Variants in NPAS2 observed in about 807,000 individuals in gnomAD.
The protein encoded by NPAS2 is neuronal PAS domain-containing protein 2.
In NPAS2, 23 loss-of-function variants were observed where a neutral mutation model predicts 107.5. The ratio of observed to expected loss-of-function variants is 0.21; its 90% CI spans 0.15 to 0.30. NPAS2 has a LOEUF of 0.30. Among genes scored for constraint, NPAS2 ranks in the 10% least tolerant of loss-of-function variants. The probability of loss-of-function intolerance (pLI) is 1.00; values close to 1 mark genes in which losing one functional copy is unlikely to be tolerated. For synonymous variants in NPAS2, 403 were observed against 417.5 expected (o/e 0.97, Z 0.42); for missense variants, 756 against 1,043.3 (o/e 0.72, Z 3.79).
intron 1 of NPAS2, among the ~76,000 whole-genome samples, chr2:100,864,884 C>T (rs374053337): frequency 4.6e-5 from 7 of 152,252 alleles, no homozygotes; most frequent in South Asian, 2.1e-4. Context: ...TTTATTAATT[C>T]ATTTAAAAAT....
chr2:100,988,115 A>G lies in NPAS2; in HGVS notation c.1666A>G (p.Ser556Gly), dbSNP rs1677881557. The G allele has an allele frequency of 4.3e-6, 7 of 1,614,200 alleles. No homozygotes were observed. Among genetic ancestry groups the G allele is most frequent in the Non-Finnish European group, 5.9e-6 (7 of 1,180,026 alleles). The change falls in exon 17 of 21, where the codon AGC becomes GGC. Residue 556 changes from serine (S) to glycine (G), a missense_variant. Ser to Gly is a moderately conservative substitution (Grantham distance 56). Transcript: ENST00000335681. ...LQQPAVSLSFSSTQRPEAQQQ... is the reference protein window; with the variant it reads ...LQQPAVSLSFGSTQRPEAQQQ... ...GCAGCCAGCTGTATCCCTGAGCTTC[A>G]GCAGCACCCAGCGACCTGAGGCTCA...
chr2:100,967,896 C>T (rs966532788), intron 10 of NPAS2, among the ~76,000 whole-genome samples: 4 of 152,198 alleles, frequency 2.6e-5, no homozygotes, highest in African/African-American at 7.2e-5. Context: ...GGTCTGTTTT[C>T]GGGCCAATTC....
chr2:100,925,290 C>G lies in NPAS2; in HGVS notation c.177C>G (p.His59Gln), dbSNP rs1683487265. The G allele has an allele frequency of 1.9e-6, 3 of 1,613,992 alleles. No homozygotes were observed. The highest frequency in any genetic ancestry group is 2.7e-5 in the African/African-American group (2 of 75,040). ...LEKVIGFLQKHNEVSAQTEIC... is the reference protein window; with the variant it reads ...LEKVIGFLQKQNEVSAQTEIC... ...AGGTCATCGGATTTTTGCAGAAACA[C>G]AATGGTAAAGGTCACCCTTCTCTCT... Residue 59 changes from histidine to glutamine, a missense_variant, in exon 3 of 21, where the codon CAC (histidine) becomes CAG (glutamine). His to Gln is a conservative substitution (Grantham distance 24, BLOSUM62 0). Coordinates refer to ENST00000335681, the MANE Select transcript of NPAS2 (RefSeq NM_002518.4).
At chr2:100,941,769 GA>G (rs1376662247) in intron 5 of NPAS2, among the ~76,000 whole-genome samples, 1 of 152,166 alleles carries the variant, frequency 6.6e-6, no homozygotes, top group Non-Finnish European at 1.5e-5. Context: ...AATGGGGAAA[GA>G]GTACGGCTGA....
At chr2:100,896,220 G>A (rs1573567948) in intron 1 of NPAS2, among the ~76,000 whole-genome samples, 1 of 152,322 alleles carries the variant, frequency 6.6e-6, no homozygotes, top group Middle Eastern at 3.4e-3. Flanking sequence ...GGAATGAGGG[G>A]AACGGGCTCA....
At chr2:100,982,413 GCT>G (rs1364983005) in intron 16 of NPAS2, 36 bp downstream of exon 16, 1 of 1,607,572 alleles carries the variant, frequency 6.2e-7, no homozygotes, top group Non-Finnish European at 8.5e-7. Flanking sequence ...TGTCCCTGCT[GCT>G]GTGTGGGAAG....
intron 1 of NPAS2, among the ~76,000 whole-genome samples, chr2:100,882,128 A>G (rs552711115): frequency 3.3e-5 from 5 of 152,332 alleles, no homozygotes; most frequent in African/African-American, 1.2e-4. Flanking sequence ...ATTCAAAGGA[A>G]GTCACCAAGA....
At position 100,964,875 on chromosome 2, in the gene NPAS2, T is replaced by A; in HGVS notation, c.732T>A (p.Val244=). 1 of 1,578,274 alleles carries A rather than the reference T, an allele frequency of 6.3e-7. No individual in the cohort carries two copies. Among genetic ancestry groups the A allele is most frequent in the Non-Finnish European group, 8.5e-7 (1 of 1,170,732 alleles). ...TTCCAATACAGGAAATGTGCATAGT[T>A]GACGAACCTTTAGAGGAATTCACTT... ...TPQFLKEMCI[V]DEPLEEFTSR... is the part of the protein sequence containing the mutation. The change falls in exon 9 of 21, where the codon GTT becomes GTA. Residue 244 remains valine, a synonymous_variant. Transcript: ENST00000335681.
At chr2:100,939,050 G>T (rs554749609) in intron 5 of NPAS2, among the ~76,000 whole-genome samples, 2 of 152,152 alleles carry the variant, frequency 1.3e-5, no homozygotes, top group African/African-American at 4.8e-5. Context: ...GAACAGCGTG[G>T]CCTTGTTCCA....
intron 1 of NPAS2, among the ~76,000 whole-genome samples, chr2:100,895,371 T>C (rs1354867232): frequency 6.6e-6 from 1 of 152,226 alleles, no homozygotes; most frequent in Non-Finnish European, 1.5e-5. Context: ...TCTCTCACTT[T>C]GCAGTTGGGG....
chr2:100,975,968 A>G (rs182609414), intron 14 of NPAS2, among the ~76,000 whole-genome samples: 1 of 152,162 alleles, frequency 6.6e-6, no homozygotes, highest in East Asian at 1.9e-4. Flanking sequence ...CATATCAGGT[A>G]GCGTCCCCAA....
chr2:100,931,039 G>A (rs1683912197), intron 3 of NPAS2, among the ~76,000 whole-genome samples: 1 of 152,152 alleles, frequency 6.6e-6, no homozygotes, highest in African/African-American at 2.4e-5. Flanking sequence ...TGAAGAACTG[G>A]GAGTTGCACC....
chr2:100,829,819 A>G (rs1676617152), intron 1 of NPAS2, among the ~76,000 whole-genome samples: 1 of 152,186 alleles, frequency 6.6e-6, no homozygotes, highest in Non-Finnish European at 1.5e-5. Flanking sequence ...AACTCATAAG[A>G]AATGTTAATC....
intron 2 of NPAS2, among the ~76,000 whole-genome samples, chr2:100,915,415 G>C (rs1223364036): frequency 1.3e-5 from 2 of 152,192 alleles, no homozygotes; most frequent in African/African-American, 2.4e-5. Flanking sequence ...ATTTCAGAGA[G>C]GGAGGTGCTC....
At chr2:100,895,872 C>T (rs941860962) in intron 1 of NPAS2, among the ~76,000 whole-genome samples, 1 of 152,162 alleles carries the variant, frequency 6.6e-6, no homozygotes, top group Admixed American at 6.5e-5. Context: ...TTTAGGAGCC[C>T]CTCTCTGAAA....
At chr2:100,920,625 G>A (rs1195231129) in intron 2 of NPAS2, among the ~76,000 whole-genome samples, 2 of 152,142 alleles carry the variant, frequency 1.3e-5, no homozygotes, top group African/African-American at 4.8e-5. Context: ...AGAGCTGCTG[G>A]CCCCTTACTA....
rs1377058179 is a variant in NPAS2, at chr2:100,976,789, A to T, written c.1393-921A>T. ...CTTCCAGACTCTCCTGTCCAGTGTG[A>T]CTCACTTTGCCAACAACGGAGGCCC... On this transcript the variant is annotated intron_variant, in intron 14 of 20. Coordinates refer to ENST00000335681, the MANE Select transcript of NPAS2 (RefSeq NM_002518.4). The surrounding 1 kb of genome is among the most constrained non-coding windows in gnomAD (Gnocchi z 4.1). 1 of 152,092 alleles carries T rather than the reference A, an allele frequency of 6.6e-6. No homozygotes were observed. Among genetic ancestry groups the T allele is most frequent in the African/African-American group, 2.4e-5 (1 of 41,398 alleles). The allele number at this position is 152,092 out of a possible 1,614,324, so 9.4% of individuals were successfully genotyped here.
chr2:100,865,730 T>C (rs73967687), intron 1 of NPAS2, among the ~76,000 whole-genome samples: 2,761 of 152,276 alleles, frequency 0.018, 93 homozygotes, highest in African/African-American at 0.062. Context: ...GAAGTCATGC[T>C]TCCATTTAAC....
intron 2 of NPAS2, among the ~76,000 whole-genome samples, chr2:100,920,420 T>C (rs559954406): frequency 6.6e-6 from 1 of 152,200 alleles, no homozygotes; most frequent in South Asian, 2.1e-4. Context: ...ACATGTACAG[T>C]TTTTAAGGGT....
Sources: gnomAD v4.1 joint callset for allele counts (sites outside exome capture counted in the v4.1 genomes callset) on GRCh38, gnomAD v4.1.1 for gene constraint, Gnocchi (gnomAD v3.1) non-coding constraint, MANE v1.5 for transcripts, NCBI Gene and HGNC (gene_info 2026-07-23, HGNC 2026-07-21) for gene names.